The following TMEM94 variants were observed in gnomAD, a reference collection of about 807,000 sequenced individuals.
TMEM94 encodes transmembrane protein 94.
In TMEM94, 81 loss-of-function variants were observed where a neutral mutation model predicts 158.6. That is an observed-to-expected ratio of 0.51 (90% CI 0.43 to 0.61). TMEM94 has a LOEUF of 0.61. Ranked by LOEUF, TMEM94 falls within the 20% of genes least tolerant of loss-of-function variation. The pLI, the probability that TMEM94 is intolerant of heterozygous loss-of-function variation, is 0.00. For synonymous variants in TMEM94, 751 were observed against 730.7 expected (o/e 1.03, Z -0.45); for missense variants, 1,435 against 1,762.0 (o/e 0.81, Z 3.32).
Position 75,493,579 on chromosome 17 carries a change from C to T in TMEM94, c.2175C>T (p.Leu725=). The change falls in exon 17 of 32, where the codon CTC becomes CTT. Residue 725 remains leucine (L), a synonymous_variant. Transcript: ENST00000314256. Reference sequence around the variant, plus strand: ...GGGACGGAGCTGACATCTACCCTCTCTCGGGATCTGACAGGTGGGTGAGGA... The same window carrying T: ...GGGACGGAGCTGACATCTACCCTCTTTCGGGATCTGACAGGTGGGTGAGGA... The part of the protein sequence containing the change: ...DFWDGADIYP[L]SGSDRKKVLD... The T allele has an allele frequency of 1.2e-6, 2 of 1,614,010 alleles. No individual in the cohort carries two copies. The highest frequency in any genetic ancestry group is 1.6e-4 in the Middle Eastern group (1 of 6,062).
intron 6 of TMEM94, 120 bp from the exon 7 acceptor site, chr17:75,488,633 CCAGTGG>C: frequency 9.0e-7 from 1 of 1,112,468 alleles, no homozygotes; most frequent in South Asian, 1.4e-5. Context: ...AGGCCCTGTC[CCAGTGG>C]ACTCTGGGCT....
intron 2 of TMEM94, among the ~76,000 whole-genome samples, chr17:75,472,250 C>T (rs1431324947): frequency 5.9e-5 from 9 of 152,212 alleles, no homozygotes; most frequent in African/African-American, 1.2e-4. Flanking sequence ...TTTGCTAGGG[C>T]GATGTCCTAA....
intron 1 of TMEM94, among the ~76,000 whole-genome samples, chr17:75,460,227 T>G (rs1167210367): frequency 6.6e-6 from 1 of 152,106 alleles, no homozygotes; most frequent in Non-Finnish European, 1.5e-5. Context: ...CTTGAAAGGC[T>G]TAGAGTGGTA....
At position 75,492,696 on chromosome 17, in the gene TMEM94, G is replaced by T; in HGVS notation, c.1819G>T (p.Asp607Tyr). 1 of 1,613,188 alleles carries T rather than the reference G, an allele frequency of 6.2e-7. No individual in the cohort carries two copies. The highest frequency in any genetic ancestry group is 8.5e-7 in the Non-Finnish European group (1 of 1,179,982). ...CACCGAGCGCCTGTGCCGATTCTCC[G>T]ACCACCTGTGCAACATCGCCCTGCA... ...SVTERLCRFS[D>Y]HLCNIALQES... The change falls in exon 15 of 32, where the codon GAC (aspartate) becomes TAC (tyrosine). Residue 607 changes from aspartate (D) to tyrosine (Y), a missense_variant. Asp to Tyr is a radical substitution (Grantham distance 160). This residue lies in a region of TMEM94 where 1,051 missense variants were observed against 1,254.4 expected (regional missense o/e 0.84). Transcript: ENST00000314256. The surrounding 1 kb of genome is among the most constrained non-coding windows in gnomAD (Gnocchi z 4.4).
rs765585437 is a variant in TMEM94 at position 75,485,546 on chromosome 17, A to T, written c.143A>T (p.Lys48Met). The change falls in exon 3 of 32, where the codon AAG (lysine) becomes ATG (methionine). Residue 48 changes from lysine to methionine, a missense_variant and splice_region_variant. Coordinates refer to ENST00000314256, the MANE Select transcript of TMEM94 (RefSeq NM_014738.6). The surrounding 1 kb of genome is among the most constrained non-coding windows in gnomAD (Gnocchi z 5.5). The part of the protein sequence containing the change: ...LRERKKCLTW[K>M]EVWRSSFLHH... ...GAGCGGAAGAAGTGTCTGACGTGGA[A>T]GGTGAAGCTTCTTCTCGGGGCTACC... is the stretch of plus-strand genomic sequence containing the variant. 9.3e-6 allele frequency: 15 copies of T among 1,614,062 alleles called. No individual in the cohort carries two copies. Among genetic ancestry groups the T allele is most frequent in the Admixed American group, 1.7e-5 (1 of 60,006 alleles).
At chr17:75,477,680 A>AGG (rs2050781757) in intron 2 of TMEM94, among the ~76,000 whole-genome samples, 1 of 152,144 alleles carries the variant, frequency 6.6e-6, no homozygotes, top group Non-Finnish European at 1.5e-5. Flanking sequence ...GAAGGAGAGC[A>AGG]GCTGCTGTGC....
intron 1 of TMEM94, among the ~76,000 whole-genome samples, chr17:75,461,087 G>C (rs570156911): frequency 7.3e-6 from 1 of 137,882 alleles, no homozygotes; most frequent in Admixed American, 7.6e-5. Flanking sequence ...GTCCTTTTGC[G>C]ATTGGCTTTT....
In TMEM94 at chr17:75,498,076, CCT is replaced by C; in HGVS notation, c.3490-98_3490-97del. 6.6e-7 allele frequency: 1 copy of C among 1,507,910 alleles called. No individual in the cohort carries two copies. Among genetic ancestry groups the C allele is most frequent in the South Asian group, 1.2e-5 (1 of 82,654 alleles). 93.4% of individuals were successfully genotyped at this position (1,507,910 alleles called of 1,614,324 possible). A position where few individuals can be genotyped will look rare whatever the true frequency, so the allele number is the denominator to read the frequency against. ...GGCTTGAGCTCCCTATCCCCCCAGG[CCT>C]GACCATTTACTAAGAGCCCGTTGAA... On this transcript the variant is annotated intron_variant, in intron 27 of 31. Coordinates refer to ENST00000314256, the MANE Select transcript of TMEM94 (RefSeq NM_014738.6). This position sits in a 1 kb window ranked among gnomAD's most constrained non-coding sequence, Gnocchi z 6.7.
Position 75,485,715 on chromosome 17 carries a change from G to A in TMEM94, c.145-156G>A, listed in dbSNP as rs2051535780. On this transcript the variant is annotated intron_variant, in intron 3 of 31. Transcript: ENST00000314256. This position sits in a 1 kb window ranked among gnomAD's most constrained non-coding sequence, Gnocchi z 5.5. ...AGGTTCCCCTCAGAGTGGCTCCTGA[G>A]CCTGCTTGCTGCAGGAGCCCAACAG... is the stretch of plus-strand genomic sequence containing the variant. 6.1e-6 allele frequency: 8 copies of A among 1,321,562 alleles called. No individual in the cohort carries two copies. The South Asian group carries it at 7.2e-5, about 12-fold the overall frequency. The allele number at this position is 1,321,562 out of a possible 1,614,324, so 81.9% of individuals were successfully genotyped here. A position where few individuals can be genotyped will look rare whatever the true frequency, so the allele number is the denominator to read the frequency against.
intron 2 of TMEM94, among the ~76,000 whole-genome samples, chr17:75,479,593 C>T (rs998418421): frequency 6.6e-6 from 1 of 150,866 alleles, no homozygotes; most frequent in African/African-American, 2.4e-5. Flanking sequence ...GCTGGGATTA[C>T]AGGCATGAGC....
At chr17:75,481,064 C>T (rs1455966488) in intron 2 of TMEM94, among the ~76,000 whole-genome samples, 1 of 152,218 alleles carries the variant, frequency 6.6e-6, no homozygotes, top group East Asian at 1.9e-4. Flanking sequence ...TGCCCACAGA[C>T]AGGAGAAGGC....
At position 75,495,016 on chromosome 17, in the gene TMEM94, C is replaced by T; in HGVS notation, c.2710C>T (p.His904Tyr). Residue 904 changes from histidine to tyrosine, a missense_variant, in exon 20 of 32, where the codon CAT (histidine) becomes TAT (tyrosine). Coordinates refer to ENST00000314256, the MANE Select transcript of TMEM94 (RefSeq NM_014738.6). This position sits in a 1 kb window ranked among gnomAD's most constrained non-coding sequence, Gnocchi z 5.6. ...CAGCCCCAGCCACGCAGGCTCCCTG[C>T]ATGATGACCTGAATCAGGGTAAGGG... ...PSSPSHAGSLHDDLNQVSRDD... is the reference protein window; with the variant it reads ...PSSPSHAGSLYDDLNQVSRDD... 1 of 1,451,622 alleles carries T rather than the reference C, an allele frequency of 6.9e-7. No homozygotes were observed. The highest frequency in any genetic ancestry group is 9.3e-7 in the Non-Finnish European group (1 of 1,077,598). The allele number at this position is 1,451,622 out of a possible 1,614,324, so 89.9% of individuals were successfully genotyped here. A position where few individuals can be genotyped will look rare whatever the true frequency, so the allele number is the denominator to read the frequency against.
chr17:75,465,799 A>G lies in TMEM94; in HGVS notation c.-106-6001A>G, dbSNP rs191458645. Among the ~76,000 whole-genome samples, 306 of 151,750 alleles carry G rather than the reference A, an allele frequency of 2.0e-3. 2 individuals carry two copies. Among genetic ancestry groups the G allele is most frequent in the African/African-American group, 7.1e-3 (292 of 41,258 alleles). ...AGTGATCTGTCTGCCTCAGCCTCCC[A>G]AAGTGCTAGGATTATAGGCATGAAC... On this transcript the variant is annotated intron_variant, in intron 1 of 31. Coordinates refer to ENST00000314256, the MANE Select transcript of TMEM94 (RefSeq NM_014738.6).
chr17:75,484,684 A>C (rs563720224), intron 2 of TMEM94, among the ~76,000 whole-genome samples: 1 of 151,996 alleles, frequency 6.6e-6, no homozygotes, highest in Non-Finnish European at 1.5e-5. Context: ...GGTGTGAGCC[A>C]CCACGCCTGG....
chr17:75,495,683 C>G lies in TMEM94; in HGVS notation c.2944+40C>G, dbSNP rs772791286. 1 of 1,591,086 alleles carries G rather than the reference C, an allele frequency of 6.3e-7. No homozygotes were observed. Among genetic ancestry groups the G allele is most frequent in the Non-Finnish European group, 8.6e-7 (1 of 1,161,076 alleles). ...CATGGGTACTTGGGCAACCTGGTCC[C>G]GTCGGCTGAGCTCTGCCTGGGCCTG... On this transcript the variant is annotated intron_variant, in intron 22 of 31. Transcript: ENST00000314256. The surrounding 1 kb of genome is among the most constrained non-coding windows in gnomAD (Gnocchi z 5.6).
chr17:75,492,487 T>C lies in TMEM94; in HGVS notation c.1610T>C (p.Met537Thr). The C allele has an allele frequency of 6.3e-7, 1 of 1,585,934 alleles. No homozygotes were observed. The highest frequency in any genetic ancestry group is 8.6e-7 in the Non-Finnish European group (1 of 1,162,396). The change falls in exon 15 of 32, where the codon ATG (methionine) becomes ACG (threonine). Residue 537 changes from methionine (M) to threonine (T), a missense_variant. Around this residue, in one of 3 missense-constraint regions of TMEM94, gnomAD observed 1,051 missense variants for 1,254.4 expected, o/e 0.84. Coordinates refer to ENST00000314256, the MANE Select transcript of TMEM94 (RefSeq NM_014738.6). This position sits in a 1 kb window ranked among gnomAD's most constrained non-coding sequence, Gnocchi z 4.4. Reference protein sequence around the residue: ...EEEPSKTQPGMESDPYEAEDF... With the variant: ...EEEPSKTQPGTESDPYEAEDF... ...CATTTCCCCCAGACCCAGCCTGGGA[T>C]GGAGAGCGACCCCTACGAAGCAGAG...
At position 75,489,828 on chromosome 17, in the gene TMEM94, C is replaced by A. The variant is rs144061728; in HGVS notation, c.954+166C>A. The A allele has an allele frequency of 2.1e-3, 1,403 of 661,030 alleles. 4 individuals are homozygous for A. The highest frequency in any genetic ancestry group is 3.2e-3 in the Non-Finnish European group (1,214 of 378,682). 40.9% of individuals were successfully genotyped at this position (661,030 alleles called of 1,614,324 possible). On this transcript the variant is annotated intron_variant, in intron 9 of 31. Transcript: ENST00000314256. This position sits in a 1 kb window ranked among gnomAD's most constrained non-coding sequence, Gnocchi z 5.0. ...GGGCGTGGGGACTCAGGCCTGTAATCCAAGCACTTTGGGAGGCCACGGCAG... is the reference window on the plus strand; with the variant it reads ...GGGCGTGGGGACTCAGGCCTGTAATACAAGCACTTTGGGAGGCCACGGCAG...
At chr17:75,471,728 A>T in intron 1 of TMEM94, 72 bp from the exon 2 acceptor site, 1 of 566,616 alleles carries the variant, frequency 1.8e-6, no homozygotes, top group East Asian at 3.1e-5. Flanking sequence ...AAAAAAAAAA[A>T]TGATGCTGTT....
In TMEM94 at chr17:75,495,860, G is replaced by A. The variant is rs902131255; in HGVS notation, c.2945-106G>A. 1.0e-5 allele frequency: 9 copies of A among 878,442 alleles called. 1 individual carries two copies. In the South Asian group the frequency reaches 1.4e-4, roughly 14 times the overall value. 54.4% of individuals were successfully genotyped at this position (878,442 alleles called of 1,614,324 possible). A position where few individuals can be genotyped will look rare whatever the true frequency, so the allele number is the denominator to read the frequency against. On this transcript the variant is annotated intron_variant, in intron 22 of 31. Coordinates refer to ENST00000314256, the MANE Select transcript of TMEM94 (RefSeq NM_014738.6). The surrounding 1 kb of genome is among the most constrained non-coding windows in gnomAD (Gnocchi z 5.6). Reference sequence around the variant, plus strand: ...CGGGGGTGGGATTGTTTCAAAGAGGGGCCCACCTCCCATCGCCTCCTGCTC... The same window carrying A: ...CGGGGGTGGGATTGTTTCAAAGAGGAGCCCACCTCCCATCGCCTCCTGCTC...
Sources: gnomAD v4.1 joint callset for allele counts (sites outside exome capture counted in the v4.1 genomes callset) on GRCh38, gnomAD v4.1.1 for gene constraint, gnomAD v4.1.1 regional missense constraint, Gnocchi (gnomAD v3.1) non-coding constraint, MANE v1.5 for transcripts, NCBI Gene and HGNC (gene_info 2026-07-23, HGNC 2026-07-21) for gene names.